The following NBAS variants were observed in gnomAD, a reference collection of about 807,000 sequenced individuals.
The protein encoded by NBAS is NBAS subunit of NRZ tethering complex.
Under a neutral mutation model 302.5 loss-of-function variants are expected in NBAS, and 219 were observed. The observed-to-expected ratio is 0.72, with a 90% confidence interval of 0.65 to 0.81. The LOEUF (loss-of-function observed/expected upper bound fraction) is 0.81, where lower values mean the gene tolerates loss of function less well. Ranked by LOEUF, NBAS falls within the 30% of genes least tolerant of loss-of-function variation. The probability of loss-of-function intolerance (pLI) is 0.00; values close to 1 mark genes in which losing one functional copy is unlikely to be tolerated. For synonymous variants in NBAS, 1,118 were observed against 1,021.6 expected, an observed-to-expected ratio of 1.09 and a Z score of -1.80; for missense variants, 2,932 against 2,841.6, an observed-to-expected ratio of 1.03 and a Z score of -0.72.
chr2:14,888,448 G>GC, the NBAS span, among the ~76,000 whole-genome samples: 8 of 149,288 alleles, frequency 5.4e-5, no homozygotes, highest in African/African-American at 2.0e-4. Context: ...ACGGCACCCG[G>GC]CCCCCCCTTT....
intron 46 of NBAS, among the ~76,000 whole-genome samples, chr2:15,233,959 G>A (rs1044511089): frequency 6.6e-6 from 1 of 152,174 alleles, no homozygotes; most frequent in Non-Finnish European, 1.5e-5. Flanking sequence ...ATTATTTCCT[G>A]AGCGTCACTT....
At chr2:14,986,154 C>A in the NBAS span, among the ~76,000 whole-genome samples, 1 of 151,980 alleles carries the variant, frequency 6.6e-6, no homozygotes, top group African/African-American at 2.4e-5. Context: ...TACAAATATC[C>A]CAGAGCAAAA....
the NBAS span, among the ~76,000 whole-genome samples, chr2:15,040,987 T>G: frequency 6.6e-6 from 1 of 152,190 alleles, no homozygotes; most frequent in Non-Finnish European, 1.5e-5. Flanking sequence ...CTTCATCCCC[T>G]CAAATCTAAC....
intron 35 of NBAS, 21 bp from the exon 36 acceptor site, chr2:15,330,786 A>G (rs1558541121): frequency 6.2e-7 from 1 of 1,612,676 alleles, no homozygotes; most frequent in Admixed American, 1.7e-5. Context: ...GAAACAAAAT[A>G]GCAAGGGCAA....
At chr2:15,367,079 C>A (rs373318819) in intron 31 of NBAS, among the ~76,000 whole-genome samples, 25 of 152,226 alleles carry the variant, frequency 1.6e-4, no homozygotes, top group African/African-American at 5.5e-4. Context: ...ACCCTCTAAG[C>A]CCCATTCCTT....
intron 38 of NBAS, among the ~76,000 whole-genome samples, chr2:15,326,057 A>G (rs1377617878): frequency 1.3e-5 from 2 of 152,220 alleles, no homozygotes; most frequent in South Asian, 4.1e-4. Context: ...TTATCAATTA[A>G]GTTTACATCT....
intron 5 of NBAS, among the ~76,000 whole-genome samples, chr2:15,552,195 T>G (rs181461767): frequency 6.6e-6 from 1 of 152,282 alleles, no homozygotes; most frequent in East Asian, 1.9e-4. Context: ...CCCCAGGAAA[T>G]AATTACAGAT....
At chr2:14,943,221 C>T in the NBAS span, among the ~76,000 whole-genome samples, 4 of 152,188 alleles carry the variant, frequency 2.6e-5, no homozygotes, top group African/African-American at 9.7e-5. Flanking sequence ...GAATGAAAGG[C>T]CACCGGATAC....
the NBAS span, among the ~76,000 whole-genome samples, chr2:14,849,301 A>G: frequency 7.2e-5 from 11 of 152,242 alleles, no homozygotes; most frequent in Admixed American, 3.3e-4. Context: ...CTCAGGAGCC[A>G]ATGCGATCAA....
the NBAS span, among the ~76,000 whole-genome samples, chr2:14,966,078 C>T: frequency 1.6e-4 from 24 of 152,158 alleles, no homozygotes; most frequent in African/African-American, 3.4e-4. Context: ...ACAACGAACC[C>T]CAGAACACCA....
At chr2:14,818,608 T>C in the NBAS span, among the ~76,000 whole-genome samples, 1 of 152,170 alleles carries the variant, frequency 6.6e-6, no homozygotes, top group East Asian at 1.9e-4. Flanking sequence ...AATCTTTACA[T>C]ACAGTGAGCA....
chr2:14,969,544 T>A, the NBAS span, among the ~76,000 whole-genome samples: 1 of 131,626 alleles, frequency 7.6e-6, no homozygotes, highest in South Asian at 2.2e-4. Context: ...ACGCGGCTAA[T>A]TTTTTTATTT....
the NBAS span, among the ~76,000 whole-genome samples, chr2:15,023,517 A>T: frequency 9.9e-4 from 151 of 152,026 alleles, no homozygotes; most frequent in African/African-American, 3.6e-3. Flanking sequence ...CTTTATAAAA[A>T]GGTTATAACT....
At chr2:15,489,868 A>G (rs2148613721) in intron 11 of NBAS, among the ~76,000 whole-genome samples, 2 of 152,328 alleles carry the variant, frequency 1.3e-5, no homozygotes, top group Middle Eastern at 6.8e-3. Flanking sequence ...TTTCCCATTC[A>G]GGCATTTGTT....
the NBAS span, among the ~76,000 whole-genome samples, chr2:14,816,464 C>T: frequency 6.6e-6 from 1 of 152,194 alleles, no homozygotes; most frequent in Non-Finnish European, 1.5e-5. Context: ...AAAACCCGTC[C>T]CTGGTGCCAA....
Position 15,459,503 on chromosome 2 carries a change from C to CTT in NBAS, c.2339+1696_2339+1697dup, listed in dbSNP as rs66914120. On this transcript the variant is annotated intron_variant, in intron 21 of 51. Transcript: ENST00000281513. ...GAAAAAAGCATCCTGAGCATTTTTT[C>CTT]TTTTTTTTTGAGATGGAGTCTCGTT... Among the ~76,000 whole-genome samples, 5 of 141,388 alleles carry CTT rather than the reference C, an allele frequency of 3.5e-5. 1 individual carries two copies. The highest frequency in any genetic ancestry group is 1.3e-4 in the African/African-American group (5 of 38,260). 92.8% of individuals were successfully genotyped at this position (141,388 alleles called of 152,430 possible). A position where few individuals can be genotyped will look rare whatever the true frequency, so the allele number is the denominator to read the frequency against.
At chr2:15,098,625 TTG>T in the NBAS span, among the ~76,000 whole-genome samples, 3 of 128,676 alleles carry the variant, frequency 2.3e-5, no homozygotes, top group Non-Finnish European at 3.1e-5. Context: ...GTATTATATA[TTG>T]TATATTATAT....
At chr2:14,957,448 T>G in the NBAS span, among the ~76,000 whole-genome samples, 2 of 152,198 alleles carry the variant, frequency 1.3e-5, no homozygotes, top group African/African-American at 4.8e-5. Flanking sequence ...TTTTATCAAG[T>G]AATACCCACT....
rs564914583 is a variant in NBAS at position 15,513,606 on chromosome 2, G to T, written c.747-2256C>A. On this transcript the variant is annotated intron_variant, in intron 9 of 51. Transcript: ENST00000281513. ...AGAAAATACAAAATAAATGGCCTGG[G>T]TTTTTTTTTTTTCAGAACCCACACA... Among the ~76,000 whole-genome samples, 291 of 143,164 alleles carry T rather than the reference G, an allele frequency of 2.0e-3. 2 individuals carry two copies. Among genetic ancestry groups the T allele is most frequent in the African/African-American group, 6.8e-3 (269 of 39,318 alleles). The allele number at this position is 143,164 out of a possible 152,430, so 93.9% of individuals were successfully genotyped here.
Sources: allele counts gnomAD v4.1 joint callset (sites outside exome capture counted in the v4.1 genomes callset), GRCh38; gene constraint gnomAD v4.1.1; transcripts MANE v1.5; gene names NCBI Gene and HGNC (gene_info 2026-07-23, HGNC 2026-07-21).